BACH2: variants seen among roughly 807,000 people sequenced by gnomAD.
BACH2 encodes transcription regulator protein BACH2.
In BACH2, 5 loss-of-function variants were observed where a neutral mutation model predicts 61.8. That is an observed-to-expected ratio of 0.08 (90% CI 0.04 to 0.17). The LOEUF is 0.17. Ranked by LOEUF, BACH2 falls within the 10% of genes least tolerant of loss-of-function variation. BACH2 has a pLI of 1.00. For missense variants in BACH2, 824 were observed against 1,091.1 expected (o/e 0.76, Z 3.45); for synonymous variants, 446 against 440.1 (o/e 1.01, Z -0.17).
chr6:90,002,648 T>C (rs1202686150), intron 6 of BACH2, among the ~76,000 whole-genome samples: 1 of 152,152 alleles, frequency 6.6e-6, no homozygotes, highest in Non-Finnish European at 1.5e-5. Context: ...TGCACACCTG[T>C]AATCCCAGCT....
At position 89,950,600 on chromosome 6, in the gene BACH2, T is replaced by C. The variant is rs9451298; in HGVS notation, c.1506A>G (p.Val502=). 0.28 allele frequency: 455,528 copies of C among 1,613,078 alleles called. 65,807 individuals are homozygous for C. Among genetic ancestry groups the C allele is most frequent in the African/African-American group, 0.38 (28,531 of 74,918 alleles). ...GTGAGCGAGGGCAGACTTTGATTGG[T>C]ACCGGGCAGCTGGTGTTGGGCCGCA... The part of the protein sequence containing the change: ...GRMRPNTSCP[V]PIKVCPRSPP... Residue 502 remains valine, a synonymous_variant, in exon 7 of 9, where the codon GTA becomes GTG. Transcript: ENST00000257749. This position sits in a 1 kb window ranked among gnomAD's most constrained non-coding sequence, Gnocchi z 5.3.
At chr6:89,989,018 T>C (rs1258864427) in intron 6 of BACH2, among the ~76,000 whole-genome samples, 2 of 152,196 alleles carry the variant, frequency 1.3e-5, no homozygotes, top group South Asian at 2.1e-4. Flanking sequence ...CAAGGTGTCA[T>C]GCTGTGCATT....
chr6:89,965,949 T>C (rs937727292), intron 6 of BACH2, among the ~76,000 whole-genome samples: 1 of 152,064 alleles, frequency 6.6e-6, no homozygotes, highest in African/African-American at 2.4e-5. Context: ...AAAATAGGAA[T>C]AAATAGGGAC....
chr6:90,145,459 A>G (rs1344076501), intron 4 of BACH2, among the ~76,000 whole-genome samples: 1 of 152,216 alleles, frequency 6.6e-6, no homozygotes, highest in East Asian at 1.9e-4. Flanking sequence ...AAGTGAATAG[A>G]AAAAGTGTTT....
chr6:89,996,971 T>A (rs1776881087), intron 6 of BACH2, among the ~76,000 whole-genome samples: 1 of 151,434 alleles, frequency 6.6e-6, no homozygotes, highest in South Asian at 2.1e-4. Flanking sequence ...GGATTTTGTC[T>A]TATTAAGCAT....
intron 5 of BACH2, among the ~76,000 whole-genome samples, chr6:90,021,675 G>A (rs1366800542): frequency 6.6e-6 from 1 of 152,166 alleles, no homozygotes; most frequent in Non-Finnish European, 1.5e-5. Context: ...ATTTTAGAGT[G>A]CACAGTGCTA....
chr6:90,075,057 A>G (rs1252041342), intron 5 of BACH2, among the ~76,000 whole-genome samples: 1 of 152,202 alleles, frequency 6.6e-6, no homozygotes, highest in Non-Finnish European at 1.5e-5. Flanking sequence ...AGCATGCTGC[A>G]TCAAGAGGAC....
intron 6 of BACH2, among the ~76,000 whole-genome samples, chr6:89,975,582 T>C (rs949369025): frequency 7.9e-5 from 12 of 152,232 alleles, no homozygotes; most frequent in African/African-American, 2.7e-4. Context: ...TTCCTCTGCC[T>C]GGCCGCTGTC....
At chr6:90,055,963 T>G (rs1469594978) in intron 5 of BACH2, among the ~76,000 whole-genome samples, 1 of 152,144 alleles carries the variant, frequency 6.6e-6, no homozygotes, top group Non-Finnish European at 1.5e-5. Flanking sequence ...AAAGAGCTCC[T>G]GCAGGAAGCA....
intron 5 of BACH2, among the ~76,000 whole-genome samples, chr6:90,058,679 CA>C (rs1780507900): frequency 1.3e-5 from 2 of 152,050 alleles, no homozygotes; most frequent in African/African-American, 4.8e-5. Context: ...AATCCTAAGC[CA>C]AAAGAACAAA....
At chr6:90,124,842 T>C (rs1783780523) in intron 4 of BACH2, among the ~76,000 whole-genome samples, 2 of 152,220 alleles carry the variant, frequency 1.3e-5, no homozygotes, top group South Asian at 4.1e-4. Context: ...TGATACCTAA[T>C]GCCAGAACAC....
chr6:90,191,798 A>C (rs1408131405), intron 4 of BACH2, among the ~76,000 whole-genome samples: 1 of 152,238 alleles, frequency 6.6e-6, no homozygotes, highest in Non-Finnish European at 1.5e-5. Context: ...AATACTTAAA[A>C]TAATGATTAT....
At chr6:90,194,959 C>G (rs1768705780) in intron 4 of BACH2, among the ~76,000 whole-genome samples, 1 of 152,124 alleles carries the variant, frequency 6.6e-6, no homozygotes, top group Non-Finnish European at 1.5e-5. Flanking sequence ...ATGTAAATGC[C>G]CTTTTTCTTG....
intron 3 of BACH2, among the ~76,000 whole-genome samples, chr6:90,244,611 C>A (rs367580585): frequency 6.6e-6 from 1 of 151,954 alleles, no homozygotes; most frequent in Non-Finnish European, 1.5e-5. Context: ...CCCCTTCACA[C>A]GCGCACACAT....
In BACH2 at chr6:89,951,839, C is replaced by T. The variant is rs771556236; in HGVS notation, c.267G>A (p.Pro89=). 19 of 1,612,468 alleles carry T rather than the reference C, an allele frequency of 1.2e-5. No individual in the cohort carries two copies. Among genetic ancestry groups the T allele is most frequent in the East Asian group, 2.2e-5 (1 of 44,850 alleles). The part of the protein sequence containing the change: ...PEEVTARGFG[P]LLQFAYTAKL... ...TGGCAGTGTAGGCAAACTGTAACAGCGGCCCAAAGCCCCTGGCTGTGACCT... is the reference window on the plus strand; with the variant it reads ...TGGCAGTGTAGGCAAACTGTAACAGTGGCCCAAAGCCCCTGGCTGTGACCT... The change falls in exon 7 of 9, where the codon CCG becomes CCA. Residue 89 remains proline, a synonymous_variant. Coordinates refer to ENST00000257749, the MANE Select transcript of BACH2 (RefSeq NM_021813.4). The surrounding 1 kb of genome is among the most constrained non-coding windows in gnomAD (Gnocchi z 6.4).
chr6:90,008,390 A>G lies in BACH2; in HGVS notation c.243+212T>C. On this transcript the variant is annotated intron_variant, in intron 6 of 8. Transcript: ENST00000257749. This position sits in a 1 kb window ranked among gnomAD's most constrained non-coding sequence, Gnocchi z 4.1. ...AGTGACTGAGCCACAGGTGAGGTTC[A>G]GTTCCCTTCAAGAAAGATATTCACA... 1 of 633,990 alleles carries G rather than the reference A, an allele frequency of 1.6e-6. No homozygotes were observed. The highest frequency in any genetic ancestry group is 2.7e-6 in the Non-Finnish European group (1 of 372,132). 39.3% of individuals were successfully genotyped at this position (633,990 alleles called of 1,614,324 possible).
intron 4 of BACH2, among the ~76,000 whole-genome samples, chr6:90,168,427 T>C (rs748451843): frequency 1.3e-5 from 2 of 152,214 alleles, no homozygotes; most frequent in Non-Finnish European, 1.5e-5. Context: ...TATTCTGCCA[T>C]TAAAATTTTA....
intron 6 of BACH2, among the ~76,000 whole-genome samples, chr6:89,991,997 T>C (rs887551860): frequency 5.9e-5 from 9 of 152,236 alleles, no homozygotes; most frequent in Non-Finnish European, 1.3e-4. Flanking sequence ...CTGATTTTCA[T>C]CTTTGTTGAT....
chr6:89,980,441 A>C (rs914387681), intron 6 of BACH2, among the ~76,000 whole-genome samples: 1 of 152,212 alleles, frequency 6.6e-6, no homozygotes, highest in African/African-American at 2.4e-5. Context: ...GTGCATTATA[A>C]GTAAGTGCCC....
Sources: gnomAD v4.1 joint callset for allele counts (sites outside exome capture counted in the v4.1 genomes callset) on GRCh38, gnomAD v4.1.1 for gene constraint, Gnocchi (gnomAD v3.1) non-coding constraint, MANE v1.5 for transcripts, NCBI Gene and HGNC (gene_info 2026-07-23, HGNC 2026-07-21) for gene names.